ADCY1: variants seen among roughly 807,000 people sequenced by gnomAD.
ADCY1 encodes adenylate cyclase 1.
A neutral mutation model predicts 105.4 loss-of-function variants in ADCY1; 28 were observed. The ratio of observed to expected loss-of-function variants is 0.27; its 90% CI spans 0.20 to 0.36. ADCY1 has a LOEUF of 0.36. ADCY1 is among the 10% of genes least tolerant of loss of function. The pLI, the probability that ADCY1 is intolerant of heterozygous loss-of-function variation, is 1.00. For missense variants in ADCY1, 977 were observed against 1,434.2 expected (o/e 0.68, Z 5.15); for synonymous variants, 655 against 623.8 (o/e 1.05, Z -0.75).
chr7:45,698,164 T>TACACACAC (rs72397514), intron 14 of ADCY1, among the ~76,000 whole-genome samples: 15 of 147,618 alleles, frequency 1.0e-4, no homozygotes, highest in East Asian at 2.0e-4. Flanking sequence ...CATACTCTCT[T>TACACACAC]ACACACACAC....
chr7:45,683,573 G>A (rs561525367), intron 11 of ADCY1, among the ~76,000 whole-genome samples: 183 of 152,232 alleles, frequency 1.2e-3, no homozygotes, highest in Non-Finnish European at 2.2e-3. Context: ...AGCAGGACTG[G>A]GGACTATGGT....
At position 45,685,015 on chromosome 7, in the gene ADCY1, G is replaced by C. The variant is rs772743901; in HGVS notation, c.2020G>C (p.Val674Leu). Residue 674 changes from valine (V) to leucine (L), a missense_variant, in exon 12 of 20, where the codon GTC becomes CTC. By Grantham distance (32) the Val-to-Leu change is conservative. Transcript: ENST00000297323. Reference protein sequence around the residue: ...PGCLTIQIRTVLCIFIVVLIY... With the variant: ...PGCLTIQIRTLLCIFIVVLIY... ...GTGCCTGACGATTCAGATTCGCACT[G>C]TCCTGTGTATTTTCATAGTGGTCTT... 7.4e-6 allele frequency: 12 copies of C among 1,614,218 alleles called. No individual in the cohort carries two copies. The highest frequency in any genetic ancestry group is 1.1e-5 in the South Asian group (1 of 91,090).
chr7:45,590,726 G>A (rs972193741), intron 1 of ADCY1, among the ~76,000 whole-genome samples: 3 of 152,088 alleles, frequency 2.0e-5, no homozygotes, highest in African/African-American at 7.2e-5. Context: ...TCACCTTCTT[G>A]ATGCTCAGGG....
chr7:45,621,583 G>T (rs925706373), intron 3 of ADCY1, among the ~76,000 whole-genome samples: 1 of 152,208 alleles, frequency 6.6e-6, no homozygotes, highest in Admixed American at 6.5e-5. Flanking sequence ...CATGCGGAAC[G>T]GTTGGATAAG....
In ADCY1 at chr7:45,676,049, T is replaced by TTTTG. The variant is rs202121001; in HGVS notation, c.1606-1817_1606-1816insGTTT. ...CCACAGTTCCAAAGGCTCTGTTTTGTTTTTTTTTTTTAAGTCTGTTTTCTT... is the reference window on the plus strand; with the variant it reads ...CCACAGTTCCAAAGGCTCTGTTTTGTTTTGTTTTTTTTTTTAAGTCTGTTTTCTT... On this transcript the variant is annotated intron_variant, in intron 8 of 19. Coordinates refer to ENST00000297323, the MANE Select transcript of ADCY1 (RefSeq NM_021116.4). Among the ~76,000 whole-genome samples, 11 of 93,898 alleles carry TTTTG rather than the reference T, an allele frequency of 1.2e-4. No individual in the cohort carries two copies. The East Asian group carries it at 6.3e-3, about 54-fold the overall frequency. 61.6% of individuals were successfully genotyped at this position (93,898 alleles called of 152,430 possible).
chr7:45,630,863 T>A (rs774028254), intron 4 of ADCY1, among the ~76,000 whole-genome samples: 8 of 152,180 alleles, frequency 5.3e-5, no homozygotes, highest in Non-Finnish European at 1.0e-4. Flanking sequence ...CATTTACAGA[T>A]TCCAGAAATT....
chr7:45,589,109 A>G (rs1011718827), intron 1 of ADCY1, among the ~76,000 whole-genome samples: 8 of 152,066 alleles, frequency 5.3e-5, no homozygotes, highest in Non-Finnish European at 1.2e-4. Context: ...GTGCAGGCAG[A>G]AGGCAGGGCT....
intron 8 of ADCY1, among the ~76,000 whole-genome samples, chr7:45,670,297 T>G (rs1189516909): frequency 6.6e-6 from 1 of 152,202 alleles, no homozygotes; most frequent in African/African-American, 2.4e-5. Context: ...CTCAATGTGT[T>G]GGCCACTCTC....
chr7:45,641,946 A>AAAAAAAAAAAG (rs1562702616), intron 4 of ADCY1, among the ~76,000 whole-genome samples: 3 of 143,294 alleles, frequency 2.1e-5, no homozygotes, highest in Admixed American at 7.0e-5. Flanking sequence ...AAAAAAAAAA[A>AAAAAAAAAAAG]TGTCTTTTCA....
At chr7:45,656,566 G>A (rs1046456467) in intron 5 of ADCY1, among the ~76,000 whole-genome samples, 18 of 152,272 alleles carry the variant, frequency 1.2e-4, no homozygotes, top group African/African-American at 4.1e-4. Context: ...CAGCTGGCAA[G>A]GGTTTGAGTG....
At chr7:45,652,714 A>T (rs1022382557) in intron 5 of ADCY1, among the ~76,000 whole-genome samples, 6 of 152,194 alleles carry the variant, frequency 3.9e-5, no homozygotes, top group African/African-American at 1.4e-4. Flanking sequence ...GTGAGGCTCC[A>T]GTGTGAATCA....
chr7:45,657,919 G>GGGGGGGC, intron 6 of ADCY1, 34 bp downstream of exon 6: 1 of 1,470,494 alleles, frequency 6.8e-7, no homozygotes, highest in Non-Finnish European at 9.3e-7. Flanking sequence ...GGGGAGGGAG[G>GGGGGGGC]TGGGTGATGG....
chr7:45,694,592 A>G (rs1040284716), intron 14 of ADCY1, among the ~76,000 whole-genome samples: 2 of 152,230 alleles, frequency 1.3e-5, no homozygotes, highest in African/African-American at 4.8e-5. Flanking sequence ...AAATTAAATA[A>G]TAGAGACCAG....
chr7:45,598,555 T>C (rs1014598197), intron 2 of ADCY1, among the ~76,000 whole-genome samples: 4 of 152,168 alleles, frequency 2.6e-5, no homozygotes, highest in African/African-American at 9.6e-5. Flanking sequence ...AATAGGGAAA[T>C]GCTGAGAATA....
chr7:45,706,013 A>G (rs532241401), intron 17 of ADCY1, among the ~76,000 whole-genome samples: 1 of 152,348 alleles, frequency 6.6e-6, no homozygotes, highest in East Asian at 1.9e-4. Context: ...TACAAGATCT[A>G]TATGAGCAAA....
In ADCY1 at chr7:45,610,515, C is replaced by T; in HGVS notation, c.908+18C>T. The stretch of plus-strand genomic sequence containing the variant: ...AATGTGAGGTAGGGCTGGTGCTGAC[C>T]CGGCACAGCGGGGAGCCTGGGAAGC... On this transcript the variant is annotated intron_variant, in intron 3 of 19. Coordinates refer to ENST00000297323, the MANE Select transcript of ADCY1 (RefSeq NM_021116.4). 6.2e-7 allele frequency: 1 copy of T among 1,605,190 alleles called. No individual in the cohort carries two copies. Among genetic ancestry groups the T allele is most frequent in the Non-Finnish European group, 8.5e-7 (1 of 1,172,282 alleles).
chr7:45,714,334 G>T lies in ADCY1; in HGVS notation c.*339G>T. ...TTTGGCCAGGTCGGCATCAATGTAA[G>T]GACCTTCAGAGCATCCCAGGGTTAC... On this transcript the variant is annotated 3_prime_UTR_variant, in exon 20 of 20. Transcript: ENST00000297323. 1 of 316,656 alleles carries T rather than the reference G, an allele frequency of 3.2e-6. No individual in the cohort carries two copies. The highest frequency in any genetic ancestry group is 5.9e-6 in the Non-Finnish European group (1 of 170,072). 19.6% of individuals were successfully genotyped at this position (316,656 alleles called of 1,614,324 possible). A position where few individuals can be genotyped will look rare whatever the true frequency, so the allele number is the denominator to read the frequency against.
chr7:45,705,956 G>A (rs1194413055), intron 17 of ADCY1, among the ~76,000 whole-genome samples: 1 of 152,186 alleles, frequency 6.6e-6, no homozygotes, highest in African/African-American at 2.4e-5. Flanking sequence ...GCCATTTATA[G>A]TAGTAGCCAA....
chr7:45,680,893 G>T (rs117131799), intron 11 of ADCY1, among the ~76,000 whole-genome samples: 19 of 152,250 alleles, frequency 1.2e-4, no homozygotes, highest in Admixed American at 1.2e-3. Context: ...CAAGAAGAGC[G>T]ATGACAAAGC....
Sources: gnomAD v4.1 joint callset for allele counts (sites outside exome capture counted in the v4.1 genomes callset) on GRCh38, gnomAD v4.1.1 for gene constraint, MANE v1.5 for transcripts, NCBI Gene and HGNC (gene_info 2026-07-23, HGNC 2026-07-21) for gene names.